The following CACNA1C variants were observed in gnomAD, a reference collection of about 807,000 sequenced individuals.
The protein encoded by CACNA1C is voltage-dependent L-type calcium channel subunit alpha-1C.
A neutral mutation model predicts 229.0 loss-of-function variants in CACNA1C; 30 were observed. The ratio of observed to expected loss-of-function variants is 0.13; its 90% CI spans 0.10 to 0.18. The LOEUF is 0.18. CACNA1C is among the 10% of genes least tolerant of loss of function. The pLI, the probability that CACNA1C is intolerant of heterozygous loss-of-function variation, is 1.00. For missense variants in CACNA1C, 1,658 were observed against 2,845.0 expected, an observed-to-expected ratio of 0.58 and a Z score of 9.49; for synonymous variants, 1,114 against 1,132.5, an observed-to-expected ratio of 0.98 and a Z score of 0.33.
intron 10 of CACNA1C, among the ~76,000 whole-genome samples, chr12:2,553,502 A>T (rs2042429733): frequency 6.6e-6 from 1 of 152,212 alleles, no homozygotes; most frequent in South Asian, 2.1e-4. Context: ...AGAGACTGAA[A>T]CCAGTGAGTC....
intron 3 of CACNA1C, among the ~76,000 whole-genome samples, chr12:2,239,494 G>C (rs746916304): frequency 3.3e-4 from 51 of 152,256 alleles, no homozygotes; most frequent in Non-Finnish European, 6.2e-4. Flanking sequence ...CATTCCCAGG[G>C]CTGCTCTCTC....
chr12:2,189,769 C>T (rs1294072891), intron 3 of CACNA1C, among the ~76,000 whole-genome samples: 1 of 151,722 alleles, frequency 6.6e-6, no homozygotes, highest in Non-Finnish European at 1.5e-5. Flanking sequence ...ATAACGTGCT[C>T]ATTAAGGGCT....
intron 46 of CACNA1C, 41 bp from the exon 47 acceptor site, chr12:2,690,859 T>C (rs774169184): frequency 7.4e-6 from 11 of 1,494,870 alleles, no homozygotes; most frequent in Middle Eastern, 3.5e-4. Flanking sequence ...CCAGGAGTAA[T>C]GTTCCTTTGG....
chr12:2,396,381 A>T (rs1160581304), intron 3 of CACNA1C, among the ~76,000 whole-genome samples: 1 of 152,090 alleles, frequency 6.6e-6, no homozygotes, highest in Non-Finnish European at 1.5e-5. Flanking sequence ...AGTCAAGGGG[A>T]CGAAGAGGCC....
In CACNA1C at chr12:2,595,083, G is replaced by A. The variant is rs2067469541; in HGVS notation, c.2664-791G>A. ...ACTCTTATAAACCAGAATTGTCTGA[G>A]AGAGTTTGGCCCTTCGAGGGTTTGG... On this transcript the variant is annotated intron_variant, in intron 19 of 46. Coordinates refer to ENST00000399655, the MANE Select transcript of CACNA1C (RefSeq NM_000719.7). The surrounding 1 kb of genome is among the most constrained non-coding windows in gnomAD (Gnocchi z 4.1). Among the ~76,000 whole-genome samples the A allele has an allele frequency of 2.0e-5, 3 of 152,332 alleles. 1 individual carries two copies. The highest frequency in any genetic ancestry group is 3.9e-4 in the East Asian group (2 of 5,180).
At position 2,471,915 on chromosome 12, in the gene CACNA1C, G is replaced by A. The variant is rs1440139463; in HGVS notation, c.758-14189G>A. Among the ~76,000 whole-genome samples, 6 of 152,172 alleles carry A rather than the reference G, an allele frequency of 3.9e-5. No homozygotes were observed. The South Asian group carries it at 8.3e-4, about 21-fold the overall frequency. ...AGGCTGGCCTTGAACTCCTGACCTC[G>A]TGATCCACCTGCCTAGGCCTCCCAG... On this transcript the variant is annotated intron_variant, in intron 5 of 46. Coordinates refer to ENST00000399655, the MANE Select transcript of CACNA1C (RefSeq NM_000719.7).
Position 1,982,760 on chromosome 12 carries a change from G to C in CACNA1C, c.139+11559G>C, listed in dbSNP as rs1162837679. Among the ~76,000 whole-genome samples, 3 of 152,070 alleles carry C rather than the reference G, an allele frequency of 2.0e-5. No individual in the cohort carries two copies. In the South Asian group the frequency reaches 6.2e-4, roughly 31 times the overall value. On this transcript the variant is annotated intron_variant, in intron 1 of 46. Transcript: ENST00000682462. ...ATCAATAATTTTCTTTTCTTGAAAT[G>C]TCTTTGCCTTGTTTTGGTATCAGGA... is the stretch of plus-strand genomic sequence containing the variant.
At position 2,682,675 on chromosome 12, in the gene CACNA1C, A is replaced by C. The variant is rs1234302404; in HGVS notation, c.5570A>C (p.Glu1857Ala). The C allele has an allele frequency of 6.2e-7, 1 of 1,610,440 alleles. No homozygotes were observed. Among genetic ancestry groups the C allele is most frequent in the Non-Finnish European group, 8.5e-7 (1 of 1,179,438 alleles). Residue 1857 changes from glutamate to alanine, a missense_variant, in exon 43 of 47, where the codon GAG becomes GCG. By Grantham distance (107) the Glu-to-Ala change is moderately radical. Coordinates refer to ENST00000399655, the MANE Select transcript of CACNA1C (RefSeq NM_000719.7). ...AGTGAGCCCAGCCTGCTCTCCACAG[A>C]GATGTGAGCTCTGCTGCCCTCTGCT... ...ACSEPSLLST[E>A]MLSYQDDENR...
At chr12:2,003,928 G>A (rs1194929498) in intron 1 of CACNA1C, among the ~76,000 whole-genome samples, 9 of 152,166 alleles carry the variant, frequency 5.9e-5, no homozygotes, top group South Asian at 2.1e-4. Flanking sequence ...CAGATTCACT[G>A]TAACAGAACT....
In CACNA1C at chr12:2,575,020, C is replaced by T. The variant is rs934431808; in HGVS notation, c.1896-6570C>T. Among the ~76,000 whole-genome samples, 3 of 152,182 alleles carry T rather than the reference C, an allele frequency of 2.0e-5. No individual in the cohort carries two copies. The highest frequency in any genetic ancestry group is 2.9e-5 in the Non-Finnish European group (2 of 68,038). The stretch of plus-strand genomic sequence containing the variant: ...CCAACTAGGTGACACTGAGTAGCCC[C>T]GTGGCCCAGAAGCTCAGAGAAGCAT... On this transcript the variant is annotated intron_variant, in intron 13 of 46. Coordinates refer to ENST00000399655, the MANE Select transcript of CACNA1C (RefSeq NM_000719.7). The surrounding 1 kb of genome is among the most constrained non-coding windows in gnomAD (Gnocchi z 4.0).
intron 3 of CACNA1C, among the ~76,000 whole-genome samples, chr12:2,183,256 A>G (rs942865745): frequency 2.2e-4 from 33 of 152,106 alleles, no homozygotes; most frequent in African/African-American, 8.0e-4. Flanking sequence ...CAAAAAAAAA[A>G]AGAAAAAAGA....
chr12:2,211,707 TCTG>T (rs1186065912), intron 3 of CACNA1C, among the ~76,000 whole-genome samples: 1 of 149,692 alleles, frequency 6.7e-6, no homozygotes, highest in Non-Finnish European at 1.5e-5. Flanking sequence ...TGTTACTCTT[TCTG>T]CTGCTTTTTT....
chr12:2,115,204 T>C lies in CACNA1C; in HGVS notation c.50-20T>C. 6.6e-7 allele frequency: 1 copy of C among 1,517,074 alleles called. No individual in the cohort carries two copies. The highest frequency in any genetic ancestry group is 8.9e-7 in the Non-Finnish European group (1 of 1,127,732). 94.0% of individuals were successfully genotyped at this position (1,517,074 alleles called of 1,614,324 possible). On this transcript the variant is annotated intron_variant, in intron 1 of 46. Transcript: ENST00000399655. ...GTTTTCTATCTAGTAACTGTTGTGTTCTTTTCTCTTTTGCCACAGGTTCCA... is the reference window on the plus strand; with the variant it reads ...GTTTTCTATCTAGTAACTGTTGTGTCCTTTTCTCTTTTGCCACAGGTTCCA...
At chr12:2,413,320 C>T (rs2098829330) in intron 3 of CACNA1C, among the ~76,000 whole-genome samples, 1 of 152,212 alleles carries the variant, frequency 6.6e-6, no homozygotes, top group Admixed American at 6.5e-5. Flanking sequence ...CCCAGCCTAC[C>T]CAATGCTTTT....
At chr12:2,422,971 C>A (rs1349545680) in intron 3 of CACNA1C, among the ~76,000 whole-genome samples, 1 of 152,200 alleles carries the variant, frequency 6.6e-6, no homozygotes, top group Non-Finnish European at 1.5e-5. Flanking sequence ...TGATGTTGGA[C>A]CAAGATACCT....
At chr12:2,445,511 A>G (rs1166660303) in intron 3 of CACNA1C, among the ~76,000 whole-genome samples, 1 of 152,190 alleles carries the variant, frequency 6.6e-6, no homozygotes, top group Non-Finnish European at 1.5e-5. Context: ...CAAATGTTAC[A>G]TGGCATGGAT....
intron 3 of CACNA1C, among the ~76,000 whole-genome samples, chr12:2,331,533 C>T (rs907540458): frequency 2.6e-5 from 4 of 152,154 alleles, no homozygotes; most frequent in Admixed American, 6.6e-5. Flanking sequence ...GCCTAAATCC[C>T]GGATAATTAG....
rs1427338381 is a variant in CACNA1C at position 2,348,111 on chromosome 12, C to A, written c.478-100865C>A. 6.6e-6 allele frequency among the ~76,000 whole-genome samples: 1 copy of A among 152,188 alleles called. No homozygotes were observed. Among genetic ancestry groups the A allele is most frequent in the Non-Finnish European group, 1.5e-5 (1 of 68,028 alleles). On this transcript the variant is annotated intron_variant, in intron 3 of 46. Transcript: ENST00000399655. This position sits in a 1 kb window ranked among gnomAD's most constrained non-coding sequence, Gnocchi z 4.7. ...CTGTGCGGCAGGCCCACTCTCAACTCGAGGGGAGCCCCTCCTGCCTGCTGC... is the reference window on the plus strand; with the variant it reads ...CTGTGCGGCAGGCCCACTCTCAACTAGAGGGGAGCCCCTCCTGCCTGCTGC...
At chr12:2,257,103 G>T (rs981648010) in intron 3 of CACNA1C, among the ~76,000 whole-genome samples, 1 of 152,178 alleles carries the variant, frequency 6.6e-6, no homozygotes, top group African/African-American at 2.4e-5. Context: ...GCCTCCCTGG[G>T]TGTTAACATC....
Sources: gnomAD v4.1 joint callset for allele counts (sites outside exome capture counted in the v4.1 genomes callset) on GRCh38, gnomAD v4.1.1 for gene constraint, Gnocchi (gnomAD v3.1) non-coding constraint, MANE v1.5 for transcripts, NCBI Gene and HGNC (gene_info 2026-07-23, HGNC 2026-07-21) for gene names.